The following ITIH2 variants were observed in gnomAD, a reference collection of about 807,000 sequenced individuals.
The protein encoded by ITIH2 is inter-alpha-trypsin inhibitor heavy chain 2.
Under a neutral mutation model 104.4 loss-of-function variants are expected in ITIH2, and 103 were observed. The observed-to-expected ratio is 0.99, with a 90% CI of 0.84 to 1.16. The LOEUF (loss-of-function observed/expected upper bound fraction) is 1.16, where lower values mean the gene tolerates loss of function less well. Ranked by LOEUF, ITIH2 falls within the 50% of genes most tolerant of loss-of-function variation. The pLI, the probability that ITIH2 is intolerant of heterozygous loss-of-function variation, is 0.00. For synonymous variants in ITIH2, 436 were observed against 435.4 expected, an observed-to-expected ratio of 1.00 and a Z score of -0.02; for missense variants, 1,108 against 1,162.4, an observed-to-expected ratio of 0.95 and a Z score of 0.68.
At chr10:7,712,508 G>A (rs138416231) in intron 4 of ITIH2, among the ~76,000 whole-genome samples, 16 of 152,122 alleles carry the variant, frequency 1.1e-4, no homozygotes, top group East Asian at 7.7e-4. Context: ...GAGATAATTC[G>A]GAATTTATCA....
At position 7,729,811 on chromosome 10, in the gene ITIH2, A is replaced by C. The variant is rs189168092; in HGVS notation, c.1280-141A>C. ...ATGTACGAGTGCATCTCTAAGAAAA[A>C]CTAGAAATTGAGTTACTGGGTCAAA... On this transcript the variant is annotated intron_variant, in intron 11 of 20. Transcript: ENST00000358415. 1.1e-5 allele frequency: 6 copies of C among 535,764 alleles called. No individual in the cohort carries two copies. The Admixed American group carries it at 2.1e-4, about 19-fold the overall frequency. The allele number at this position is 535,764 out of a possible 1,614,324, so 33.2% of individuals were successfully genotyped here.
chr10:7,724,527 G>A lies in ITIH2; in HGVS notation c.984+960G>A, dbSNP rs994773866. Among the ~76,000 whole-genome samples, 6 of 126,058 alleles carry A rather than the reference G, an allele frequency of 4.8e-5. No individual in the cohort carries two copies. The East Asian group carries it at 1.0e-3, about 21-fold the overall frequency. 82.7% of individuals were successfully genotyped at this position (126,058 alleles called of 152,430 possible). A position where few individuals can be genotyped will look rare whatever the true frequency, so the allele number is the denominator to read the frequency against. On this transcript the variant is annotated intron_variant, in intron 9 of 20. Transcript: ENST00000358415. ...GGGAGTTGCAGCGAGCAGAGATCGC[G>A]CCATTGCACTCCAGCCTGGGCAACA...
rs1234480155 is a variant in ITIH2 at position 7,713,245 on chromosome 10, G to A, written c.427G>A (p.Ala143Thr). 1 of 1,614,058 alleles carries A rather than the reference G, an allele frequency of 6.2e-7. No homozygotes were observed. Among genetic ancestry groups the A allele is most frequent in the African/African-American group, 1.3e-5 (1 of 74,940 alleles). Residue 143 changes from alanine to threonine, a missense_variant, in exon 5 of 21, where the codon GCA becomes ACA. Physicochemically the swap from Ala to Thr is moderately conservative, Grantham distance 58. Coordinates refer to ENST00000358415, the MANE Select transcript of ITIH2 (RefSeq NM_002216.3). ...GAAAACTGTGGGCCGAGCTCTTTAT[G>A]CACAGGCCAGAGCAAAAGGCAAGAC... ...KEKTVGRALYAQARAKGKTAG... is the reference protein window; with the variant it reads ...KEKTVGRALYTQARAKGKTAG...
At chr10:7,744,021 T>C (rs1386329596) in intron 17 of ITIH2, 61 bp from the exon 18 acceptor site, 7 of 1,248,976 alleles carry the variant, frequency 5.6e-6, no homozygotes, top group East Asian at 4.8e-5. Context: ...TGAATTATAG[T>C]ACCCACACAT....
rs1475989022 is a variant in ITIH2, at chr10:7,705,298, A to G, written c.159+116A>G. 5 of 743,792 alleles carry G rather than the reference A, an allele frequency of 6.7e-6. No individual in the cohort carries two copies. The African/African-American group carries it at 7.0e-5, about 10-fold the overall frequency. 46.1% of individuals were successfully genotyped at this position (743,792 alleles called of 1,614,324 possible). ...TTCTTAAGAGTTTGTTTTTTAGCAC[A>G]GAAGAGTCCAGACTTCTTACACCTT... is the stretch of plus-strand genomic sequence containing the variant. On this transcript the variant is annotated intron_variant, in intron 2 of 20. Coordinates refer to ENST00000358415, the MANE Select transcript of ITIH2 (RefSeq NM_002216.3).
intron 2 of ITIH2, 62 bp downstream of exon 2, chr10:7,705,244 A>C: frequency 8.4e-7 from 1 of 1,188,912 alleles, no homozygotes. Flanking sequence ...GCAGAAGAAG[A>C]CAAGTGTTAA....
Position 7,727,041 on chromosome 10 carries a change from G to T in ITIH2, c.1076G>T (p.Arg359Ile). Residue 359 changes from arginine to isoleucine, a missense_variant, in exon 10 of 21, where the codon AGA becomes ATA. Transcript: ENST00000358415. ...TTCAACCAGAACATTCGAACTTGGA[G>T]AAATGATTTAATTTCAGCTACAAAA... ...IDFNQNIRTWRNDLISATKTQ... is the reference protein window; with the variant it reads ...IDFNQNIRTWINDLISATKTQ... 1.9e-6 allele frequency: 3 copies of T among 1,614,160 alleles called. No individual in the cohort carries two copies. Among genetic ancestry groups the T allele is most frequent in the Non-Finnish European group, 2.5e-6 (3 of 1,179,982 alleles).
At chr10:7,708,666 T>C (rs1016755401) in intron 3 of ITIH2, among the ~76,000 whole-genome samples, 1 of 152,188 alleles carries the variant, frequency 6.6e-6, no homozygotes, top group Non-Finnish European at 1.5e-5. Context: ...TCTCCCCAGC[T>C]GATGGTCTTG....
intron 14 of ITIH2, among the ~76,000 whole-genome samples, chr10:7,733,985 T>G (rs2130957303): frequency 6.6e-6 from 1 of 151,546 alleles, no homozygotes; most frequent in East Asian, 1.9e-4. Context: ...ATATAGCAAA[T>G]TGTTGCAGAA....
intron 7 of ITIH2, 50 bp from the exon 8 acceptor site, chr10:7,721,599 C>A: frequency 6.3e-7 from 1 of 1,578,390 alleles, no homozygotes; most frequent in South Asian, 1.2e-5. Flanking sequence ...CAGCGCCAAG[C>A]ACTGGGAAGG....
chr10:7,738,700 C>T lies in ITIH2; in HGVS notation c.2037C>T (p.Ser679=), dbSNP rs1835095556. The change falls in exon 16 of 21, where the codon TCC becomes TCT. Residue 679 remains serine, a synonymous_variant. Coordinates refer to ENST00000358415, the MANE Select transcript of ITIH2 (RefSeq NM_002216.3). Reference sequence around the variant, plus strand: ...ATCCTTCACCAACGCCCGTGATCTCCATGCTGGCACAAGGATCTCAGGTGC... The same window carrying T: ...ATCCTTCACCAACGCCCGTGATCTCTATGCTGGCACAAGGATCTCAGGTGC... ...WANPSPTPVI[S]MLAQGSQVLE... 1 of 1,613,614 alleles carries T rather than the reference C, an allele frequency of 6.2e-7. No homozygotes were observed. The highest frequency in any genetic ancestry group is 1.7e-5 in the Admixed American group (1 of 59,976).
chr10:7,713,298 T>C lies in ITIH2; in HGVS notation c.467+13T>C. ...CTGGCTTGGTGAGGTAAGGCCTGAGTGAGCAAGGCTTGCCCTTGCCTCTCA... is the reference window on the plus strand; with the variant it reads ...CTGGCTTGGTGAGGTAAGGCCTGAGCGAGCAAGGCTTGCCCTTGCCTCTCA... On this transcript the variant is annotated intron_variant, in intron 5 of 20. Transcript: ENST00000358415. 6.3e-7 allele frequency: 1 copy of C among 1,593,812 alleles called. No homozygotes were observed. The highest frequency in any genetic ancestry group is 8.6e-7 in the Non-Finnish European group (1 of 1,162,000).
At chr10:7,723,194 G>A in intron 8 of ITIH2, among the ~76,000 whole-genome samples, 1 of 151,696 alleles carries the variant, frequency 6.6e-6, no homozygotes. Context: ...ATGGTGTGGA[G>A]AGGAGTCAAG....
intron 6 of ITIH2, 130 bp from the exon 7 acceptor site, chr10:7,720,726 A>G: frequency 3.3e-6 from 2 of 598,998 alleles, no homozygotes; most frequent in East Asian, 6.2e-5. Flanking sequence ...TGCAGGAGAG[A>G]TCGTGGAGTC....
At chr10:7,706,235 A>G (rs138598159) in intron 2 of ITIH2, among the ~76,000 whole-genome samples, 165 of 152,322 alleles carry the variant, frequency 1.1e-3, no homozygotes, top group Middle Eastern at 3.4e-3. Context: ...GTCTACAAGA[A>G]GAGGTCAACC....
intron 2 of ITIH2, among the ~76,000 whole-genome samples, chr10:7,705,781 C>T (rs1384438125): frequency 6.6e-6 from 1 of 151,818 alleles, no homozygotes; most frequent in Non-Finnish European, 1.5e-5. Flanking sequence ...CCTGCCTTGC[C>T]GGAAGGATTT....
chr10:7,728,575 T>C lies in ITIH2; in HGVS notation c.1279+747T>C, dbSNP rs947099427. Among the ~76,000 whole-genome samples the C allele has an allele frequency of 3.9e-5, 6 of 151,954 alleles. No homozygotes were observed. In the South Asian group the frequency reaches 6.2e-4, roughly 16 times the overall value. The stretch of plus-strand genomic sequence containing the variant: ...TTCTTTTTTTTCTTTCTTTTTTTTT[T>C]TGGAGAGACGAAGTCTCACTATGTT... On this transcript the variant is annotated intron_variant, in intron 11 of 20. Coordinates refer to ENST00000358415, the MANE Select transcript of ITIH2 (RefSeq NM_002216.3).
At chr10:7,746,494 C>A in intron 19 of ITIH2, 99 bp from the exon 20 acceptor site, 1 of 762,642 alleles carries the variant, frequency 1.3e-6, no homozygotes, top group South Asian at 1.7e-5. Context: ...CCCTAGAAAT[C>A]CTGGAGGGAG....
At position 7,703,416 on chromosome 10, in the gene ITIH2, G is replaced by C; in HGVS notation, c.-19G>C. 3.1e-6 allele frequency: 5 copies of C among 1,601,144 alleles called. No homozygotes were observed. Among genetic ancestry groups the C allele is most frequent in the Non-Finnish European group, 3.4e-6 (4 of 1,168,206 alleles). On this transcript the variant is annotated 5_prime_UTR_variant, in exon 1 of 21. Coordinates refer to ENST00000358415, the MANE Select transcript of ITIH2 (RefSeq NM_002216.3). Reference sequence around the variant, plus strand: ...CCAGACCATCTGCTTTGGGGAGCTTGGCAAAACTGTCCAGCAAAATGAAAA... The same window carrying C: ...CCAGACCATCTGCTTTGGGGAGCTTCGCAAAACTGTCCAGCAAAATGAAAA...
Sources: gnomAD v4.1 joint callset for allele counts (sites outside exome capture counted in the v4.1 genomes callset) on GRCh38, gnomAD v4.1.1 for gene constraint, MANE v1.5 for transcripts, NCBI Gene and HGNC (gene_info 2026-07-23, HGNC 2026-07-21) for gene names.